PAPPA2: variants seen among roughly 807,000 people sequenced by gnomAD.
The protein encoded by PAPPA2 is pappalysin 2.
A neutral mutation model predicts 176.4 loss-of-function variants in PAPPA2; 86 were observed. The ratio of observed to expected loss-of-function variants is 0.49; its 90% confidence interval spans 0.41 to 0.58. The LOEUF is 0.58. Among genes scored for constraint, PAPPA2 ranks in the 20% least tolerant of loss-of-function variants. The pLI is 0.00. For synonymous variants in PAPPA2, 809 were observed against 852.2 expected, an observed-to-expected ratio of 0.95 and a Z score of 0.88; for missense variants, 2,073 against 2,256.9, an observed-to-expected ratio of 0.92 and a Z score of 1.65.
intron 2 of PAPPA2, among the ~76,000 whole-genome samples, chr1:176,592,474 A>G (rs1475543191): frequency 2.0e-5 from 3 of 152,192 alleles, no homozygotes; most frequent in Non-Finnish European, 4.4e-5. Context: ...TAGTATTTCA[A>G]GAAGTTAGAA....
chr1:176,529,626 C>T (rs1383241728), intron 1 of PAPPA2, among the ~76,000 whole-genome samples: 1 of 152,242 alleles, frequency 6.6e-6, no homozygotes, highest in Non-Finnish European at 1.5e-5. Flanking sequence ...GTGCTGCCTT[C>T]CCTTGCCACA....
intron 12 of PAPPA2, among the ~76,000 whole-genome samples, chr1:176,735,342 C>T (rs1247234663): frequency 6.6e-6 from 1 of 152,022 alleles, no homozygotes; most frequent in East Asian, 1.9e-4. Context: ...TGAAAAGGCA[C>T]AGAAGAAAAC....
intron 12 of PAPPA2, among the ~76,000 whole-genome samples, chr1:176,725,390 A>G (rs1661817684): frequency 6.6e-6 from 1 of 152,208 alleles, no homozygotes; most frequent in African/African-American, 2.4e-5. Context: ...TTTCCACACC[A>G]TGACAACATT....
intron 21 of PAPPA2, among the ~76,000 whole-genome samples, chr1:176,820,028 C>T (rs1666593183): frequency 6.6e-6 from 1 of 152,168 alleles, no homozygotes; most frequent in Non-Finnish European, 1.5e-5. Context: ...AGGATGCCCA[C>T]ACTCCATAGG....
intron 3 of PAPPA2, among the ~76,000 whole-genome samples, chr1:176,661,396 G>A (rs941439467): frequency 5.9e-5 from 9 of 151,786 alleles, no homozygotes; most frequent in East Asian, 5.8e-4. Flanking sequence ...TGGTCTGCAA[G>A]TAGAGCTGCT....
chr1:176,627,074 A>G (rs1656071184), intron 3 of PAPPA2, among the ~76,000 whole-genome samples: 1 of 151,650 alleles, frequency 6.6e-6, no homozygotes, highest in African/African-American at 2.4e-5. Flanking sequence ...TATTTTCTTA[A>G]TAATTCAGGC....
chr1:176,545,379 T>C (rs1291997742), intron 1 of PAPPA2, among the ~76,000 whole-genome samples: 1 of 151,770 alleles, frequency 6.6e-6, no homozygotes, highest in Non-Finnish European at 1.5e-5. Context: ...TCTGTATAAC[T>C]GTGTTCCTCA....
intron 3 of PAPPA2, among the ~76,000 whole-genome samples, chr1:176,664,308 G>C (rs1177283444): frequency 2.0e-5 from 3 of 152,184 alleles, no homozygotes; most frequent in Non-Finnish European, 4.4e-5. Flanking sequence ...TCTAGAGGAC[G>C]ATCTACTGCT....
In PAPPA2 at chr1:176,483,738, G is replaced by A. The variant is rs530384101; in HGVS notation, c.-917+20320G>A. Among the ~76,000 whole-genome samples, 14 of 152,178 alleles carry A rather than the reference G, an allele frequency of 9.2e-5. No individual in the cohort carries two copies. The East Asian group carries it at 2.7e-3, about 29-fold the overall frequency. On this transcript the variant is annotated intron_variant, in intron 1 of 22. Coordinates refer to ENST00000367662, the MANE Select transcript of PAPPA2 (RefSeq NM_020318.3). ...CCCACCTAGGCCTCCCAAAGTGCTGGGATTACAGGCATGAGCCACCACACC... is the reference window on the plus strand; with the variant it reads ...CCCACCTAGGCCTCCCAAAGTGCTGAGATTACAGGCATGAGCCACCACACC...
chr1:176,660,763 A>T (rs573275573), intron 3 of PAPPA2, among the ~76,000 whole-genome samples: 1 of 152,144 alleles, frequency 6.6e-6, no homozygotes, highest in Non-Finnish European at 1.5e-5. Context: ...TTAGTTTTGC[A>T]TGATTCTTTT....
chr1:176,797,600 T>C (rs1442167895), intron 20 of PAPPA2, among the ~76,000 whole-genome samples: 1 of 152,078 alleles, frequency 6.6e-6, no homozygotes, highest in African/African-American at 2.4e-5. Flanking sequence ...TGAGCCATGA[T>C]TGTGCCACTG....
intron 21 of PAPPA2, among the ~76,000 whole-genome samples, chr1:176,826,818 C>T (rs1666878644): frequency 6.6e-6 from 1 of 152,126 alleles, no homozygotes. Context: ...TGCGGGGCCC[C>T]TCTAGACCTG....
Position 176,699,581 on chromosome 1 carries a change from C to A in PAPPA2, c.3228C>A (p.Phe1076Leu). The A allele has an allele frequency of 6.3e-7, 1 of 1,599,994 alleles. No homozygotes were observed. The highest frequency in any genetic ancestry group is 1.1e-5 in the South Asian group (1 of 90,028). ...TGGTGACACATTCTCACAGGAAGTTCACGGACGTGTGAGTTTGGTAGCATG... is the reference window on the plus strand; with the variant it reads ...TGGTGACACATTCTCACAGGAAGTTAACGGACGTGTGAGTTTGGTAGCATG... ...PVVVTHSHRKFTDVEVTPGQM... is the reference protein window; with the variant it reads ...PVVVTHSHRKLTDVEVTPGQM... The change falls in exon 8 of 23, where the codon TTC (phenylalanine) becomes TTA (leucine). Residue 1076 changes from phenylalanine to leucine, a missense_variant. Physicochemically the swap from Phe to Leu is conservative, Grantham distance 22. This residue lies in a region of PAPPA2 where 846 missense variants were observed against 857.9 expected (regional missense o/e 0.99). Transcript: ENST00000367662.
Position 176,752,833 on chromosome 1 carries a change from C to T in PAPPA2, c.4151+12637C>T, listed in dbSNP as rs1363582887. On this transcript the variant is annotated intron_variant, in intron 14 of 22. Coordinates refer to ENST00000367662, the MANE Select transcript of PAPPA2 (RefSeq NM_020318.3). ...GCTGCCTGGACTCCTCAGATCCCCT[C>T]CAATGGGACTGTGTGCTAGTGACAC... 5.9e-5 allele frequency among the ~76,000 whole-genome samples: 9 copies of T among 152,212 alleles called. 1 individual carries two copies. The highest frequency in any genetic ancestry group is 1.3e-4 in the Non-Finnish European group (9 of 68,040).
intron 3 of PAPPA2, among the ~76,000 whole-genome samples, chr1:176,623,400 A>G (rs1304359233): frequency 6.6e-6 from 1 of 152,130 alleles, no homozygotes; most frequent in Admixed American, 6.5e-5. Flanking sequence ...GAGTTTCTGA[A>G]AGTCAGGAGG....
chr1:176,520,824 G>A (rs1285080240), intron 1 of PAPPA2, among the ~76,000 whole-genome samples: 1 of 152,094 alleles, frequency 6.6e-6, no homozygotes, highest in Non-Finnish European at 1.5e-5. Context: ...AAATGTAATA[G>A]GCCAAGTGAG....
chr1:176,782,133 A>C (rs758602220), intron 17 of PAPPA2, among the ~76,000 whole-genome samples: 1 of 152,224 alleles, frequency 6.6e-6, no homozygotes, highest in African/African-American at 2.4e-5. Flanking sequence ...GGCATTTGGC[A>C]TGAGACTCAT....
chr1:176,552,281 T>C (rs1396650099), intron 1 of PAPPA2, among the ~76,000 whole-genome samples: 1 of 151,682 alleles, frequency 6.6e-6, no homozygotes, highest in Non-Finnish European at 1.5e-5. Flanking sequence ...TTTTTCCTAG[T>C]CCTCCTACCC....
At chr1:176,540,618 A>T (rs1396539495) in intron 1 of PAPPA2, among the ~76,000 whole-genome samples, 2 of 152,302 alleles carry the variant, frequency 1.3e-5, no homozygotes, top group South Asian at 2.1e-4. Context: ...TTCCTGGAAG[A>T]TTAGGTAAAG....
Sources: gnomAD v4.1 joint callset for allele counts (sites outside exome capture counted in the v4.1 genomes callset) on GRCh38, gnomAD v4.1.1 for gene constraint, gnomAD v4.1.1 regional missense constraint, MANE v1.5 for transcripts, NCBI Gene and HGNC (gene_info 2026-07-23, HGNC 2026-07-21) for gene names.